Variants in LOXL2 observed in about 807,000 individuals in gnomAD.
LOXL2 encodes the protein lysyl oxidase homolog 2.
In LOXL2, 70 loss-of-function variants were observed where a neutral mutation model predicts 93.0. The ratio of observed to expected loss-of-function variants is 0.75; its 90% CI spans 0.62 to 0.92. The LOEUF is 0.92. Ranked by LOEUF, LOXL2 falls within the 40% of genes least tolerant of loss-of-function variation. The pLI is 0.00. For synonymous variants in LOXL2, 438 were observed against 413.2 expected, an observed-to-expected ratio of 1.06 and a Z score of -0.73; for missense variants, 973 against 1,054.9, an observed-to-expected ratio of 0.92 and a Z score of 1.08.
chr8:23,321,952 C>T (rs192383812), intron 7 of LOXL2, 178 bp downstream of exon 7: 44 of 660,024 alleles, frequency 6.7e-5, no homozygotes, highest in Non-Finnish European at 7.9e-5. Context: ...GGCCTGCTGC[C>T]GGGCCAGGGC....
At chr8:23,354,002 C>T (rs375694236) in intron 3 of LOXL2, among the ~76,000 whole-genome samples, 84 of 152,190 alleles carry the variant, frequency 5.5e-4, no homozygotes, top group African/African-American at 1.9e-3. Flanking sequence ...TATCAGGAGC[C>T]CCCAAGGATG....
At position 23,368,319 on chromosome 8, in the gene LOXL2, G is replaced by T. The variant is rs1228450722; in HGVS notation, c.33C>A (p.Ser11Arg). The T allele has an allele frequency of 6.2e-7, 1 of 1,612,934 alleles. No individual in the cohort carries two copies. The highest frequency in any genetic ancestry group is 1.7e-5 in the Admixed American group (1 of 60,032). Residue 11 changes from serine to arginine, a missense_variant, in exon 2 of 14, where the codon AGC (serine) becomes AGA (arginine). Transcript: ENST00000389131. MERPLCSHLCSCLAMLALLSP... is the reference protein window; with the variant it reads MERPLCSHLCRCLAMLALLSP... ...ACAGGAGGGCCAGCATAGCCAGGCAGCTGCAGAGGTGGGAGCACAGAGGCC... is the reference window on the plus strand; with the variant it reads ...ACAGGAGGGCCAGCATAGCCAGGCATCTGCAGAGGTGGGAGCACAGAGGCC...
rs1804751664 is a variant in LOXL2, at chr8:23,385,835, A to G, written c.-83-17401T>C. On this transcript the variant is annotated intron_variant, in intron 1 of 13. Coordinates refer to ENST00000389131, the MANE Select transcript of LOXL2 (RefSeq NM_002318.3). ...TGCAATATATTTCAATATGGAATCA[A>G]TACAAAAATTATTAATGAGATGTTT... 3 of 654,966 alleles carry G rather than the reference A, an allele frequency of 4.6e-6. No homozygotes were observed. In the South Asian group the frequency reaches 4.9e-5, roughly 11 times the overall value. 40.6% of individuals were successfully genotyped at this position (654,966 alleles called of 1,614,324 possible). A position where few individuals can be genotyped will look rare whatever the true frequency, so the allele number is the denominator to read the frequency against.
chr8:23,324,387 G>A (rs917289622), intron 6 of LOXL2, among the ~76,000 whole-genome samples: 1 of 152,188 alleles, frequency 6.6e-6, no homozygotes, highest in Non-Finnish European at 1.5e-5. Context: ...CCAAGGAAGG[G>A]CACAGAGAAA....
intron 1 of LOXL2, among the ~76,000 whole-genome samples, chr8:23,371,917 G>T (rs1045121663): frequency 7.2e-5 from 11 of 152,008 alleles, no homozygotes; most frequent in Non-Finnish European, 1.5e-4. Context: ...ATAAATGCAT[G>T]TTGTAATCTT....
intron 1 of LOXL2, among the ~76,000 whole-genome samples, chr8:23,387,483 G>A (rs146852601): frequency 2.6e-5 from 4 of 152,246 alleles, no homozygotes; most frequent in African/African-American, 7.2e-5. Context: ...AAAAACAGGC[G>A]GGATGCTCTG....
intron 1 of LOXL2, chr8:23,385,965 C>A: frequency 1.3e-6 from 1 of 765,270 alleles, no homozygotes; most frequent in South Asian, 1.3e-5. Flanking sequence ...TTTGGTGGCC[C>A]CATATGGTGG....
At chr8:23,339,640 G>T (rs1803848470) in intron 4 of LOXL2, among the ~76,000 whole-genome samples, 1 of 152,222 alleles carries the variant, frequency 6.6e-6, no homozygotes, top group Non-Finnish European at 1.5e-5. Context: ...GCCTGCCAGG[G>T]AGGGGGTTTG....
rs1441192965 is a variant in LOXL2 at position 23,321,978 on chromosome 8, A to G, written c.1302+152T>C. 34 of 852,590 alleles carry G rather than the reference A, an allele frequency of 4.0e-5. 1 individual carries two copies. In the South Asian group the frequency reaches 5.7e-4, roughly 14 times the overall value. The allele number at this position is 852,590 out of a possible 1,614,324, so 52.8% of individuals were successfully genotyped here. A position where few individuals can be genotyped will look rare whatever the true frequency, so the allele number is the denominator to read the frequency against. ...GGGCCAGGGCCAGGCCCGAGGTTCGAGGGGGAACTAAACATTGCAAATGCC... is the reference window on the plus strand; with the variant it reads ...GGGCCAGGGCCAGGCCCGAGGTTCGGGGGGGAACTAAACATTGCAAATGCC... On this transcript the variant is annotated intron_variant, in intron 7 of 13. Transcript: ENST00000389131.
At chr8:23,390,350 G>A (rs1464554784) in intron 1 of LOXL2, among the ~76,000 whole-genome samples, 2 of 152,214 alleles carry the variant, frequency 1.3e-5, no homozygotes, top group African/African-American at 4.8e-5. Context: ...GACAAGAATG[G>A]AGACTTTAAC....
chr8:23,298,886 C>A lies in LOXL2; in HGVS notation c.2195G>T (p.Cys732Phe), dbSNP rs567951088. Residue 732 changes from cysteine (C) to phenylalanine (F), a missense_variant, in exon 13 of 14, where the codon TGC becomes TTC. Physicochemically the swap from Cys to Phe is radical, Grantham distance 205. Transcript: ENST00000389131. Reference protein sequence around the residue: ...ESDYSNNIMKCRSRYDGHRIW... With the variant: ...ESDYSNNIMKFRSRYDGHRIW... Reference sequence around the variant, plus strand: ...GCGGTGGCCGTCATAGCGGCTCCTGCATTTCATGATGTTGTTGGAGTAATC... The same window carrying A: ...GCGGTGGCCGTCATAGCGGCTCCTGAATTTCATGATGTTGTTGGAGTAATC... 1 of 1,614,064 alleles carries A rather than the reference C, an allele frequency of 6.2e-7. No individual in the cohort carries two copies. Among genetic ancestry groups the A allele is most frequent in the African/African-American group, 1.3e-5 (1 of 75,046 alleles).
intron 10 of LOXL2, among the ~76,000 whole-genome samples, chr8:23,307,092 C>G (rs1221765044): frequency 1.3e-5 from 2 of 152,208 alleles, no homozygotes; most frequent in East Asian, 3.9e-4. Context: ...CCAGGGTTCT[C>G]AAGCCTGGCT....
intron 6 of LOXL2, 22 bp from the exon 7 acceptor site, chr8:23,322,303 G>C: frequency 1.2e-6 from 2 of 1,607,346 alleles, no homozygotes; most frequent in Non-Finnish European, 1.7e-6. Context: ...GAATAAACAT[G>C]CTCTATGAAA....
intron 1 of LOXL2, among the ~76,000 whole-genome samples, chr8:23,374,454 G>A (rs1235770888): frequency 6.6e-6 from 1 of 152,044 alleles, no homozygotes; most frequent in African/African-American, 2.4e-5. Flanking sequence ...TAATCCTTTG[G>A]GTATATACCC....
chr8:23,385,967 A>G (rs1263264937), intron 1 of LOXL2: 3 of 765,184 alleles, frequency 3.9e-6, no homozygotes, highest in Non-Finnish European at 7.2e-6. Context: ...TGGTGGCCCC[A>G]TATGGTGGTG....
At chr8:23,352,699 G>C (rs1299178286) in intron 3 of LOXL2, among the ~76,000 whole-genome samples, 1 of 152,014 alleles carries the variant, frequency 6.6e-6, no homozygotes, top group Non-Finnish European at 1.5e-5. Flanking sequence ...GAGAAGAAAG[G>C]GCTTTTTCAG....
intron 1 of LOXL2, among the ~76,000 whole-genome samples, chr8:23,373,447 T>G (rs1804535323): frequency 6.6e-6 from 1 of 152,182 alleles, no homozygotes; most frequent in Non-Finnish European, 1.5e-5. Flanking sequence ...GAGATCCTCC[T>G]ACTCAGCTGC....
intron 8 of LOXL2, 138 bp downstream of exon 8, chr8:23,319,747 T>C: frequency 1.1e-6 from 1 of 932,676 alleles, no homozygotes; most frequent in Middle Eastern, 3.5e-4. Flanking sequence ...CGAGGCTCCC[T>C]GCCTCTGGGT....
intron 2 of LOXL2, chr8:23,364,862 A>G (rs563845133): frequency 6.6e-6 from 1 of 152,402 alleles, no homozygotes; most frequent in Non-Finnish European, 1.5e-5. Context: ...AAAGAAAAAA[A>G]TCTGTGGGGT....
Sources: allele counts gnomAD v4.1 joint callset (sites outside exome capture counted in the v4.1 genomes callset), GRCh38; gene constraint gnomAD v4.1.1; transcripts MANE v1.5; gene names NCBI Gene and HGNC (gene_info 2026-07-23, HGNC 2026-07-21).